Variants in EP400 observed in about 807,000 individuals in gnomAD.
EP400 encodes the protein E1A-binding protein p400.
EP400 carries 105 observed loss-of-function variants against 354.1 expected under a neutral mutation model. The observed-to-expected ratio is 0.30, with a 90% confidence interval of 0.25 to 0.35. The LOEUF is 0.35. Ranked by LOEUF, EP400 falls within the 10% of genes least tolerant of loss-of-function variation. The pLI is 1.00. For missense variants in EP400, 3,280 were observed against 4,121.0 expected (o/e 0.80, Z 5.59); for synonymous variants, 1,646 against 1,716.9 (o/e 0.96, Z 1.02).
At chr12:131,956,627 C>T (rs1457892185) in intron 1 of EP400, among the ~76,000 whole-genome samples, 1 of 152,100 alleles carries the variant, frequency 6.6e-6, no homozygotes, top group Non-Finnish European at 1.5e-5. Context: ...CAGTCTACTC[C>T]TACAGGGCGT....
At chr12:131,987,918 G>A in intron 7 of EP400, 28 bp downstream of exon 7, 1 of 1,566,014 alleles carries the variant, frequency 6.4e-7, no homozygotes, top group Non-Finnish European at 8.7e-7. Flanking sequence ...GAGCTGCTGT[G>A]CTGTGTGCGT....
At chr12:132,001,949 T>C (rs1593338576) in intron 12 of EP400, among the ~76,000 whole-genome samples, 1 of 152,354 alleles carries the variant, frequency 6.6e-6, no homozygotes, top group East Asian at 1.9e-4. Flanking sequence ...CTTGTTGTTT[T>C]ATATATTTTA....
chr12:132,007,234 C>T (rs752513221), intron 15 of EP400, among the ~76,000 whole-genome samples: 9 of 152,250 alleles, frequency 5.9e-5, no homozygotes, highest in African/African-American at 1.9e-4. Flanking sequence ...GGCTCTCAGC[C>T]GTGTGGGGTG....
chr12:132,023,988 G>T, intron 24 of EP400, 47 bp downstream of exon 24: 14 of 1,502,336 alleles, frequency 9.3e-6, no homozygotes, highest in Non-Finnish European at 1.2e-5. Context: ...TGACAAAAGC[G>T]CCTCACCATG....
intron 47 of EP400, 41 bp downstream of exon 47, chr12:132,062,742 G>C (rs753477741): frequency 6.2e-7 from 1 of 1,606,716 alleles, no homozygotes; most frequent in African/African-American, 1.3e-5. Flanking sequence ...TGCGTCTTGC[G>C]GTCAGTCAGC....
rs1387861204 is a variant in EP400 at position 132,050,317 on chromosome 12, T to C, written c.7201-6T>C. ...TTCAGATGCACTCTCGTCAATTTCATTGCAGAGTAAAAACAACCGTCCTCT... is the reference window on the plus strand; with the variant it reads ...TTCAGATGCACTCTCGTCAATTTCACTGCAGAGTAAAAACAACCGTCCTCT... On this transcript the variant is annotated splice_region_variant and splice_polypyrimidine_tract_variant and intron_variant, in intron 39 of 52. Coordinates refer to ENST00000389561, the MANE Select transcript of EP400 (RefSeq NM_015409.5). The surrounding 1 kb of genome is among the most constrained non-coding windows in gnomAD (Gnocchi z 4.8). 1.2e-6 allele frequency: 2 copies of C among 1,614,046 alleles called. No individual in the cohort carries two copies. The highest frequency in any genetic ancestry group is 3.3e-5 in the Admixed American group (2 of 60,006).
intron 32 of EP400, among the ~76,000 whole-genome samples, chr12:132,042,721 ATG>A (rs1481698708): frequency 3.3e-5 from 5 of 152,130 alleles, no homozygotes; most frequent in Non-Finnish European, 5.9e-5. Context: ...GTAACTATAG[ATG>A]TGTGTTCCTA....
chr12:131,959,650 A>G (rs755328411), intron 1 of EP400, among the ~76,000 whole-genome samples: 18 of 152,208 alleles, frequency 1.2e-4, no homozygotes, highest in Non-Finnish European at 2.1e-4. Flanking sequence ...CCAGAAAGGC[A>G]ACTCACCCCA....
chr12:132,061,431 CTAAAAA>C (rs1565932589), intron 45 of EP400, among the ~76,000 whole-genome samples: 1 of 152,230 alleles, frequency 6.6e-6, no homozygotes, highest in Non-Finnish European at 1.5e-5. Context: ...TCAAGAGAAA[CTAAAAA>C]TACACTGCAC....
chr12:132,008,919 C>A (rs1287332190), intron 15 of EP400, among the ~76,000 whole-genome samples: 27 of 114,746 alleles, frequency 2.4e-4, no homozygotes, highest in Admixed American at 1.1e-3. Context: ...CGTGCCCAGC[C>A]TTTTTTTTTT....
Position 131,982,280 on chromosome 12 carries a change from T to C in EP400, c.1731T>C (p.Phe577=). Residue 577 remains phenylalanine, a synonymous_variant, in exon 5 of 53, where the codon TTT becomes TTC. Transcript: ENST00000389561. The part of the protein sequence containing the change: ...PTAALSSALQ[F]AQQPQVVEAQ... ...CAGCCCTCTCCTCTGCGCTGCAGTT[T>C]GCACAGCAGCCGCAAGTGGTAGAGG... The C allele has an allele frequency of 6.2e-7, 1 of 1,614,128 alleles. No homozygotes were observed. The highest frequency in any genetic ancestry group is 1.6e-4 in the Middle Eastern group (1 of 6,062).
chr12:131,983,160 G>A (rs921696852), intron 5 of EP400, among the ~76,000 whole-genome samples: 1 of 152,146 alleles, frequency 6.6e-6, no homozygotes, highest in African/African-American at 2.4e-5. Flanking sequence ...CATACTCAGA[G>A]GTTCTGGGGC....
At chr12:132,044,981 C>T in intron 37 of EP400, 28 bp downstream of exon 37, 2 of 1,611,406 alleles carry the variant, frequency 1.2e-6, no homozygotes, top group Non-Finnish European at 1.7e-6. Context: ...GTCACATGAC[C>T]TGGGGGGGCC....
intron 52 of EP400, among the ~76,000 whole-genome samples, chr12:132,077,191 G>A (rs1896263558): frequency 6.6e-6 from 1 of 152,192 alleles, no homozygotes; most frequent in Non-Finnish European, 1.5e-5. Flanking sequence ...GGCATCTGGT[G>A]TTAGTCTAAA....
In EP400 at chr12:131,982,328, G is replaced by A. The variant is rs147639500; in HGVS notation, c.1779G>A (p.Pro593=). 1.6e-3 allele frequency: 2,618 copies of A among 1,614,096 alleles called. 29 individuals carry two copies. In the African/African-American group the frequency reaches 0.03, roughly 19 times the overall value. ...AGGCCCAGACACAGCTCCAAATCCC[G>A]GTGAAGACTCAGCAGCCCAATGTTC... ...VVEAQTQLQI[P]VKTQQPNVPI... The change falls in exon 5 of 53, where the codon CCG becomes CCA. Residue 593 remains proline, a synonymous_variant. Coordinates refer to ENST00000389561, the MANE Select transcript of EP400 (RefSeq NM_015409.5).
At chr12:131,996,707 A>G (rs1300549480) in intron 12 of EP400, among the ~76,000 whole-genome samples, 2 of 152,232 alleles carry the variant, frequency 1.3e-5, no homozygotes, top group African/African-American at 4.8e-5. Flanking sequence ...CTCTGGGGGT[A>G]AAAAGTAGTA....
At chr12:132,024,364 C>T (rs961889935) in intron 24 of EP400, among the ~76,000 whole-genome samples, 2 of 152,090 alleles carry the variant, frequency 1.3e-5, no homozygotes, top group African/African-American at 2.4e-5. Flanking sequence ...CAGACTGAGA[C>T]CCCATCTCTA....
rs1214379511 is a variant in EP400, at chr12:131,960,729, C to T, written c.110C>T (p.Ser37Phe). The change falls in exon 2 of 53, where the codon TCC (serine) becomes TTC (phenylalanine). Residue 37 changes from serine (S) to phenylalanine (F), a missense_variant. Ser to Phe is a radical substitution (Grantham distance 155). This residue lies in a region of EP400 where 172 missense variants were observed against 242.9 expected (regional missense o/e 0.71). Coordinates refer to ENST00000389561, the MANE Select transcript of EP400 (RefSeq NM_015409.5). ...EQPAHPNPPP[S>F]PAAPFAPSAS... Reference sequence around the variant, plus strand: ...CCGGCCCACCCCAACCCACCCCCGTCCCCCGCAGCTCCCTTCGCTCCCTCA... The same window carrying T: ...CCGGCCCACCCCAACCCACCCCCGTTCCCCGCAGCTCCCTTCGCTCCCTCA... 1 of 1,603,004 alleles carries T rather than the reference C, an allele frequency of 6.2e-7. No homozygotes were observed. The highest frequency in any genetic ancestry group is 8.5e-7 in the Non-Finnish European group (1 of 1,174,490).
chr12:132,025,132 T>C lies in EP400; in HGVS notation c.4856-514T>C, dbSNP rs1430706421. Among the ~76,000 whole-genome samples, 1 of 152,134 alleles carries C rather than the reference T, an allele frequency of 6.6e-6. No individual in the cohort carries two copies. Among genetic ancestry groups the C allele is most frequent in the African/African-American group, 2.4e-5 (1 of 41,430 alleles). ...AGGCTGGGTCGCTTGGTAACATCTCTGATGGCCGCCGGTTTATTCATAGAG... is the reference window on the plus strand; with the variant it reads ...AGGCTGGGTCGCTTGGTAACATCTCCGATGGCCGCCGGTTTATTCATAGAG... On this transcript the variant is annotated intron_variant, in intron 24 of 52. Transcript: ENST00000389561. The surrounding 1 kb of genome is among the most constrained non-coding windows in gnomAD (Gnocchi z 4.1).
Sources: gnomAD v4.1 joint callset for allele counts (sites outside exome capture counted in the v4.1 genomes callset) on GRCh38, gnomAD v4.1.1 for gene constraint, gnomAD v4.1.1 regional missense constraint, Gnocchi (gnomAD v3.1) non-coding constraint, MANE v1.5 for transcripts, NCBI Gene and HGNC (gene_info 2026-07-23, HGNC 2026-07-21) for gene names.